Variants in PARP8 observed in about 807,000 individuals in gnomAD.
The protein encoded by PARP8 is protein mono-ADP-ribosyltransferase PARP8.
PARP8 carries 51 observed loss-of-function variants against 124.1 expected under a neutral mutation model. The observed-to-expected ratio is 0.41, with a 90% CI of 0.33 to 0.52. The LOEUF (loss-of-function observed/expected upper bound fraction) is 0.52. Ranked by LOEUF, PARP8 falls within the 20% of genes least tolerant of loss-of-function variation. The pLI is 0.21. For missense variants in PARP8, 860 were observed against 1,018.9 expected, an observed-to-expected ratio of 0.84 and a Z score of 2.12; for synonymous variants, 391 against 361.5, an observed-to-expected ratio of 1.08 and a Z score of -0.93.
intron 3 of PARP8, chr5:50,756,995 G>A (rs772325199): frequency 1.5e-5 from 5 of 322,854 alleles, no homozygotes; most frequent in Non-Finnish European, 3.2e-5. Flanking sequence ...GTTGCAGATG[G>A]CAGGATTTCA....
At chr5:50,835,554 A>AAAAAGAAAAAAAAAGAT (rs1382739207) in intron 25 of PARP8, among the ~76,000 whole-genome samples, 1 of 152,166 alleles carries the variant, frequency 6.6e-6, no homozygotes, top group African/African-American at 2.4e-5. Flanking sequence ...AAAAAAAAGA[A>AAAAAGAAAAAAAAAGAT]AAAAGAAAAA....
intron 2 of PARP8, among the ~76,000 whole-genome samples, chr5:50,715,434 G>C (rs1304964007): frequency 6.6e-6 from 1 of 151,866 alleles, no homozygotes; most frequent in Non-Finnish European, 1.5e-5. Context: ...TATTTGAGGA[G>C]AGAAGGGAAA....
chr5:50,839,630 A>G (rs1747948587), intron 25 of PARP8, among the ~76,000 whole-genome samples: 1 of 151,152 alleles, frequency 6.6e-6, no homozygotes, highest in African/African-American at 2.4e-5. Flanking sequence ...TATGCATTTT[A>G]TTTAATACTT....
intron 2 of PARP8, among the ~76,000 whole-genome samples, chr5:50,670,850 C>T (rs1210080655): frequency 1.3e-5 from 2 of 152,178 alleles, no homozygotes; most frequent in Non-Finnish European, 2.9e-5. Context: ...TATGTAGAGA[C>T]ATAATTGAGA....
intron 22 of PARP8, among the ~76,000 whole-genome samples, chr5:50,831,329 T>C (rs1746956012): frequency 6.6e-6 from 1 of 152,174 alleles, no homozygotes; most frequent in African/African-American, 2.4e-5. Context: ...AGTGATTCTT[T>C]AGCCCCTCAA....
At chr5:50,745,221 A>G (rs939555931) in intron 2 of PARP8, among the ~76,000 whole-genome samples, 13 of 152,234 alleles carry the variant, frequency 8.5e-5, no homozygotes, top group Admixed American at 1.3e-4. Flanking sequence ...CATGAGGACA[A>G]TACGACCATA....
intron 2 of PARP8, among the ~76,000 whole-genome samples, chr5:50,693,759 T>C (rs1456927063): frequency 6.6e-6 from 1 of 151,542 alleles, no homozygotes; most frequent in Non-Finnish European, 1.5e-5. Flanking sequence ...AATTATATAA[T>C]TAAGCTATGT....
At chr5:50,811,875 G>T (rs184460663) in intron 14 of PARP8, among the ~76,000 whole-genome samples, 196 of 152,276 alleles carry the variant, frequency 1.3e-3, no homozygotes, top group African/African-American at 4.6e-3. Flanking sequence ...TGCTCAGAAT[G>T]ATGATTTCCA....
At chr5:50,705,776 T>A (rs1754079899) in intron 2 of PARP8, among the ~76,000 whole-genome samples, 1 of 151,926 alleles carries the variant, frequency 6.6e-6, no homozygotes, top group Non-Finnish European at 1.5e-5. Flanking sequence ...CAAGACTCTG[T>A]TTCCCAAAAA....
intron 17 of PARP8, 47 bp downstream of exon 17, chr5:50,822,447 A>C: frequency 1.4e-6 from 2 of 1,432,854 alleles, no homozygotes; most frequent in Non-Finnish European, 2.0e-6. Flanking sequence ...AAAATGTCTG[A>C]GAGTTCTAGC....
intron 14 of PARP8, among the ~76,000 whole-genome samples, chr5:50,813,523 C>A (rs1475807354): frequency 6.6e-6 from 1 of 152,034 alleles, no homozygotes; most frequent in South Asian, 2.1e-4. Flanking sequence ...AAATATACAA[C>A]CATGTCATCT....
At chr5:50,737,818 T>G (rs1003736677) in intron 2 of PARP8, among the ~76,000 whole-genome samples, 1 of 152,222 alleles carries the variant, frequency 6.6e-6, no homozygotes, top group African/African-American at 2.4e-5. Context: ...TCTTAGATTT[T>G]TGTAACTGAG....
chr5:50,794,479 A>G, intron 11 of PARP8, 147 bp downstream of exon 11: 2 of 877,798 alleles, frequency 2.3e-6, no homozygotes, highest in Non-Finnish European at 3.4e-6. Flanking sequence ...CATTCCATCA[A>G]AAACATATTC....
chr5:50,835,085 C>A, intron 25 of PARP8, 70 bp downstream of exon 25: 1 of 1,333,178 alleles, frequency 7.5e-7, no homozygotes, highest in Non-Finnish European at 1.1e-6. Context: ...ACTGAATTAT[C>A]GTTTGGTCTC....
At chr5:50,716,152 T>C (rs1210145957) in intron 2 of PARP8, among the ~76,000 whole-genome samples, 1 of 152,144 alleles carries the variant, frequency 6.6e-6, no homozygotes, top group Non-Finnish European at 1.5e-5. Flanking sequence ...TGGAACCTTC[T>C]ATGGAGAAGG....
At position 50,821,314 on chromosome 5, in the gene PARP8, T is replaced by G. The variant is rs146540300; in HGVS notation, c.1770T>G (p.Pro590=). Residue 590 remains proline, a synonymous_variant, in exon 16 of 26, where the codon CCT becomes CCG. Transcript: ENST00000281631. ...CTTCTGTGGTAGATCCTAATGATCC[T>G]CAGATGTTGGCCTTCAACCCCAGGG... ...PYPSVVDPND[P]QMLAFNPRKK... The G allele has an allele frequency of 5.0e-4, 803 of 1,614,124 alleles. 3 individuals carry two copies. Among genetic ancestry groups the G allele is most frequent in the Middle Eastern group, 3.0e-3 (18 of 6,060 alleles).
chr5:50,667,415 G>C, intron 1 of PARP8: 1 of 702,654 alleles, frequency 1.4e-6, no homozygotes, highest in Admixed American at 2.0e-5. Context: ...TTTGAGGGCA[G>C]AGCCCGCGTG....
At chr5:50,834,242 A>G (rs555077206) in intron 24 of PARP8, among the ~76,000 whole-genome samples, 194 bp downstream of exon 24, 1 of 152,328 alleles carries the variant, frequency 6.6e-6, no homozygotes, top group South Asian at 2.1e-4. Context: ...AGAATTGGCA[A>G]GAATTCAGAG....
At chr5:50,708,722 G>A (rs1050926506) in intron 2 of PARP8, among the ~76,000 whole-genome samples, 1 of 148,340 alleles carries the variant, frequency 6.7e-6, no homozygotes, top group African/African-American at 2.6e-5. Flanking sequence ...ATCAGGCTTG[G>A]TGTTTACTGC....
Sources: gnomAD v4.1 joint callset for allele counts (sites outside exome capture counted in the v4.1 genomes callset) on GRCh38, gnomAD v4.1.1 for gene constraint, MANE v1.5 for transcripts, NCBI Gene and HGNC (gene_info 2026-07-23, HGNC 2026-07-21) for gene names.